RHBDL2: variants seen among roughly 807,000 people sequenced by gnomAD.
RHBDL2 encodes rhomboid like 2.
Under a neutral mutation model 31.7 loss-of-function variants are expected in RHBDL2, and 26 were observed. The observed-to-expected ratio is 0.82, with a 90% CI of 0.60 to 1.14. The LOEUF is 1.14. Among genes scored for constraint, RHBDL2 ranks in the 50% most tolerant of loss-of-function variants. RHBDL2 has a pLI of 0.00. For missense variants in RHBDL2, 336 were observed against 364.4 expected, an observed-to-expected ratio of 0.92 and a Z score of 0.63; for synonymous variants, 123 against 127.2, an observed-to-expected ratio of 0.97 and a Z score of 0.22.
At chr1:38,934,428 C>T (rs1643469666) in intron 1 of RHBDL2, among the ~76,000 whole-genome samples, 1 of 150,628 alleles carries the variant, frequency 6.6e-6, no homozygotes, top group Non-Finnish European at 1.5e-5. Flanking sequence ...AGGACGAAGC[C>T]AGAAGATCGT....
chr1:38,933,278 A>G (rs77204471), intron 1 of RHBDL2, among the ~76,000 whole-genome samples: 6,717 of 151,720 alleles, frequency 0.044, 471 homozygotes, highest in African/African-American at 0.15. Context: ...CTTCCCTACA[A>G]CTCATACACA....
intron 6 of RHBDL2, 86 bp from the exon 7 acceptor site, chr1:38,888,110 A>G (rs1570909463): frequency 3.7e-6 from 3 of 808,180 alleles, no homozygotes; most frequent in East Asian, 5.0e-5. Context: ...TAATAATAAT[A>G]CTAGCTATCA....
intron 1 of RHBDL2, among the ~76,000 whole-genome samples, chr1:38,931,775 C>T (rs796264837): frequency 1.8e-4 from 27 of 151,988 alleles, no homozygotes; most frequent in Non-Finnish European, 3.7e-4. Context: ...GAATAAAGAC[C>T]TATAAATTGT....
intron 4 of RHBDL2, among the ~76,000 whole-genome samples, chr1:38,902,622 A>T (rs1447136956): frequency 6.6e-6 from 1 of 151,918 alleles, no homozygotes; most frequent in Non-Finnish European, 1.5e-5. Context: ...GGGTTTCACC[A>T]TGTTGGTCGG....
At chr1:38,887,629 T>C (rs534615479) in intron 7 of RHBDL2, among the ~76,000 whole-genome samples, 22 of 152,008 alleles carry the variant, frequency 1.4e-4, no homozygotes, top group Admixed American at 1.0e-3. Flanking sequence ...TTCATCATAT[T>C]GGCCAGGCTG....
chr1:38,911,993 C>T (rs986555368), intron 3 of RHBDL2, among the ~76,000 whole-genome samples: 10 of 150,056 alleles, frequency 6.7e-5, no homozygotes, highest in East Asian at 2.0e-4. Flanking sequence ...TTTTGGTAGA[C>T]GGAGTTTTGC....
At chr1:38,932,713 G>A (rs1643451670) in intron 1 of RHBDL2, among the ~76,000 whole-genome samples, 1 of 152,088 alleles carries the variant, frequency 6.6e-6, no homozygotes, top group Admixed American at 6.5e-5. Context: ...ACCCACCTTG[G>A]CCTCCTGAAG....
At chr1:38,919,789 G>T (rs1016094906) in intron 1 of RHBDL2, among the ~76,000 whole-genome samples, 1 of 151,942 alleles carries the variant, frequency 6.6e-6, no homozygotes, top group African/African-American at 2.4e-5. Context: ...GGCCAGGCTG[G>T]TCTCGAACTC....
At chr1:38,888,271 G>C (rs1453660818) in intron 6 of RHBDL2, among the ~76,000 whole-genome samples, 1 of 151,228 alleles carries the variant, frequency 6.6e-6, no homozygotes, top group Non-Finnish European at 1.5e-5. Flanking sequence ...TATGTGTCAG[G>C]CATTATTCTA....
At chr1:38,933,065 G>A (rs1643455718) in intron 1 of RHBDL2, among the ~76,000 whole-genome samples, 1 of 152,082 alleles carries the variant, frequency 6.6e-6, no homozygotes, top group Non-Finnish European at 1.5e-5. Context: ...ATTGTCTTTG[G>A]GATAGATATA....
At chr1:38,909,566 AC>A (rs1643113850) in intron 4 of RHBDL2, among the ~76,000 whole-genome samples, 1 of 152,030 alleles carries the variant, frequency 6.6e-6, no homozygotes, top group Non-Finnish European at 1.5e-5. Context: ...ACATGGTGAA[AC>A]CCCATCTCTA....
chr1:38,928,881 C>T (rs960983930), intron 1 of RHBDL2, among the ~76,000 whole-genome samples: 2 of 151,938 alleles, frequency 1.3e-5, no homozygotes, highest in African/African-American at 4.8e-5. Flanking sequence ...GGCAACACAG[C>T]GAAAGCCTTT....
intron 1 of RHBDL2, among the ~76,000 whole-genome samples, chr1:38,937,169 A>G (rs1399118907): frequency 7.0e-6 from 1 of 141,910 alleles, no homozygotes; most frequent in Non-Finnish European, 1.5e-5. Flanking sequence ...GGATGTCTCA[A>G]TCTCCTGACC....
chr1:38,933,592 T>C (rs1203117035), intron 1 of RHBDL2, among the ~76,000 whole-genome samples: 2 of 152,204 alleles, frequency 1.3e-5, no homozygotes, highest in Non-Finnish European at 2.9e-5. Flanking sequence ...CAGAAAATCC[T>C]GGTCCTTGCT....
Position 38,908,097 on chromosome 1 carries a change from T to C in RHBDL2, c.508+3225A>G, listed in dbSNP as rs192373669. Among the ~76,000 whole-genome samples, 246 of 118,972 alleles carry C rather than the reference T, an allele frequency of 2.1e-3. 1 individual carries two copies. Among genetic ancestry groups the C allele is most frequent in the African/African-American group, 7.4e-3 (232 of 31,250 alleles). The allele number at this position is 118,972 out of a possible 152,430, so 78.1% of individuals were successfully genotyped here. A position where few individuals can be genotyped will look rare whatever the true frequency, so the allele number is the denominator to read the frequency against. Reference sequence around the variant, plus strand: ...TAAAGAGACATTTCACTAAAGAAGATAGATGACAGATAAGCACATAAAAAG... The same window carrying C: ...TAAAGAGACATTTCACTAAAGAAGACAGATGACAGATAAGCACATAAAAAG... On this transcript the variant is annotated intron_variant, in intron 4 of 7. Transcript: ENST00000372990.
At chr1:38,910,991 C>T (rs1643132489) in intron 4 of RHBDL2, among the ~76,000 whole-genome samples, 2 of 151,952 alleles carry the variant, frequency 1.3e-5, no homozygotes, top group African/African-American at 4.8e-5. Flanking sequence ...ATTGGCCAGG[C>T]TGGTCTCGAA....
At chr1:38,925,471 T>G (rs1285923625) in intron 1 of RHBDL2, among the ~76,000 whole-genome samples, 3 of 151,722 alleles carry the variant, frequency 2.0e-5, no homozygotes, top group African/African-American at 7.3e-5. Flanking sequence ...GAGCTGAGAT[T>G]TTGCCACTGC....
intron 1 of RHBDL2, among the ~76,000 whole-genome samples, chr1:38,940,554 C>T (rs1643549945): frequency 2.0e-5 from 3 of 152,056 alleles, no homozygotes; most frequent in Admixed American, 6.6e-5. Context: ...TACACGCTGC[C>T]TACGTGCTTT....
In RHBDL2 at chr1:38,919,056, T is replaced by A; in HGVS notation, c.157A>T (p.Met53Leu). ...GTTCCTCGGGACTTTTCGGGCAGCA[T>A]CCATTTTGAGACAATCCTGTGGACC... The part of the protein sequence containing the change: ...KKVHRIVSKW[M>L]LPEKSRGTYL... Residue 53 changes from methionine to leucine, a missense_variant, in exon 2 of 8, where the codon ATG becomes TTG. By Grantham distance (15) the Met-to-Leu change is conservative (BLOSUM62 2). Coordinates refer to ENST00000372990, the MANE Select transcript of RHBDL2 (RefSeq NM_017821.5). The A allele has an allele frequency of 6.2e-7, 1 of 1,614,166 alleles. No individual in the cohort carries two copies. Among genetic ancestry groups the A allele is most frequent in the Non-Finnish European group, 8.5e-7 (1 of 1,180,036 alleles).
Sources: allele counts gnomAD v4.1 joint callset (sites outside exome capture counted in the v4.1 genomes callset), GRCh38; gene constraint gnomAD v4.1.1; transcripts MANE v1.5; gene names NCBI Gene and HGNC (gene_info 2026-07-23, HGNC 2026-07-21).